Variants in CAMSAP2 observed in about 807,000 individuals in gnomAD.
CAMSAP2 encodes the protein calmodulin-regulated spectrin-associated protein 2.
In CAMSAP2, 26 loss-of-function variants were observed where a neutral mutation model predicts 146.1. The observed-to-expected ratio is 0.18, with a 90% confidence interval of 0.13 to 0.25. The LOEUF (loss-of-function observed/expected upper bound fraction) is 0.25. CAMSAP2 is among the 10% of genes least tolerant of loss of function. The pLI is 1.00. For missense variants in CAMSAP2, 1,381 were observed against 1,759.3 expected (o/e 0.78, Z 3.85); for synonymous variants, 499 against 596.6 (o/e 0.84, Z 2.38).
chr1:200,819,156 A>G (rs1571796343), intron 4 of CAMSAP2, among the ~76,000 whole-genome samples: 1 of 152,224 alleles, frequency 6.6e-6, no homozygotes, highest in Non-Finnish European at 1.5e-5. Context: ...AGGGTATTAG[A>G]TCCTCCAGTG....
Position 200,858,102 on chromosome 1 carries a change from C to T in CAMSAP2, c.*43C>T. 6.8e-7 allele frequency: 1 copy of T among 1,473,010 alleles called. No individual in the cohort carries two copies. The highest frequency in any genetic ancestry group is 9.1e-7 in the Non-Finnish European group (1 of 1,098,638). 91.2% of individuals were successfully genotyped at this position (1,473,010 alleles called of 1,614,324 possible). On this transcript the variant is annotated 3_prime_UTR_variant, in exon 17 of 17. Coordinates refer to ENST00000358823, the MANE Select transcript of CAMSAP2 (RefSeq NM_203459.4). ...CTTCAGAACATTCATGGTAAATTTG[C>T]ACTTCATCTTTCCTGCCTATAGAAA...
chr1:200,808,937 A>C (rs761382629), intron 3 of CAMSAP2, among the ~76,000 whole-genome samples: 6 of 152,190 alleles, frequency 3.9e-5, no homozygotes, highest in Non-Finnish European at 8.8e-5. Context: ...GGTTTAGCTT[A>C]GTTACCCATT....
Position 200,859,715 on chromosome 1 carries a change from A to G in CAMSAP2, c.*1656A>G, listed in dbSNP as rs1667833722. The stretch of plus-strand genomic sequence containing the variant: ...TATGTAACTCTTATATTTTAAGTGT[A>G]TACATATTGTGTATATAACATATGG... On this transcript the variant is annotated 3_prime_UTR_variant, in exon 17 of 17. Transcript: ENST00000358823. 1 of 152,250 alleles carries G rather than the reference A, an allele frequency of 6.6e-6. No homozygotes were observed. The highest frequency in any genetic ancestry group is 6.5e-5 in the Admixed American group (1 of 15,286). The allele number at this position is 152,250 out of a possible 1,614,324, so 9.4% of individuals were successfully genotyped here.
At chr1:200,841,903 A>G (rs1303663638) in intron 6 of CAMSAP2, 91 bp from the exon 7 acceptor site, 1 of 889,624 alleles carries the variant, frequency 1.1e-6, no homozygotes, top group Admixed American at 1.9e-5. Context: ...TGATGAATGA[A>G]TGAGATTTAA....
At chr1:200,795,115 T>C (rs910613476) in intron 2 of CAMSAP2, among the ~76,000 whole-genome samples, 6 of 152,216 alleles carry the variant, frequency 3.9e-5, no homozygotes, top group Admixed American at 3.3e-4. Flanking sequence ...GCTGCTAGAC[T>C]ATAGGATTTA....
intron 3 of CAMSAP2, among the ~76,000 whole-genome samples, chr1:200,812,111 A>C (rs1666348655): frequency 6.6e-6 from 1 of 152,068 alleles, no homozygotes; most frequent in Admixed American, 6.5e-5. Flanking sequence ...TTTTCAGACT[A>C]ATTACTTTTC....
chr1:200,827,877 G>A (rs1666943809), intron 4 of CAMSAP2, among the ~76,000 whole-genome samples: 1 of 151,938 alleles, frequency 6.6e-6, no homozygotes, highest in Admixed American at 6.6e-5. Flanking sequence ...GAAATTATGG[G>A]TTTATTATAT....
At chr1:200,828,459 AACTT>A (rs2102208244) in intron 4 of CAMSAP2, 2 of 956,590 alleles carry the variant, frequency 2.1e-6, no homozygotes, top group Non-Finnish European at 3.2e-6. Context: ...GAGAACTATA[AACTT>A]GGAACTCCAC....
At chr1:200,840,115 C>A (rs530779069) in intron 6 of CAMSAP2, among the ~76,000 whole-genome samples, 3 of 152,246 alleles carry the variant, frequency 2.0e-5, no homozygotes, top group African/African-American at 7.2e-5. Context: ...CAGACTCTTA[C>A]ACTCAGCCAC....
chr1:200,802,250 G>A (rs74136250), intron 2 of CAMSAP2, among the ~76,000 whole-genome samples: 147 of 152,246 alleles, frequency 9.7e-4, no homozygotes, highest in African/African-American at 3.4e-3. Flanking sequence ...TGGAGGAATG[G>A]CAAGTATACG....
intron 1 of CAMSAP2, among the ~76,000 whole-genome samples, chr1:200,746,974 T>C (rs533850443): frequency 2.0e-5 from 3 of 152,102 alleles, no homozygotes; most frequent in Non-Finnish European, 4.4e-5. Flanking sequence ...AGTCATGTGA[T>C]CAAAGCTCAT....
intron 2 of CAMSAP2, among the ~76,000 whole-genome samples, chr1:200,788,727 C>T (rs917313808): frequency 2.6e-5 from 4 of 151,372 alleles, no homozygotes; most frequent in Non-Finnish European, 4.4e-5. Context: ...TTGCAACCTC[C>T]GCCTCCTGGG....
intron 4 of CAMSAP2, among the ~76,000 whole-genome samples, chr1:200,830,182 G>T (rs181047676): frequency 6.6e-6 from 1 of 152,202 alleles, no homozygotes; most frequent in Non-Finnish European, 1.5e-5. Flanking sequence ...AAGATTTAAA[G>T]TTGGTTTACT....
chr1:200,826,166 C>T (rs994984127), intron 4 of CAMSAP2, among the ~76,000 whole-genome samples: 1 of 152,116 alleles, frequency 6.6e-6, no homozygotes, highest in African/African-American at 2.4e-5. Context: ...CGTGGTGGCT[C>T]ACACTTGTAA....
chr1:200,764,010 G>A (rs1283728836), intron 2 of CAMSAP2, among the ~76,000 whole-genome samples: 1 of 152,150 alleles, frequency 6.6e-6, no homozygotes, highest in Non-Finnish European at 1.5e-5. Flanking sequence ...GGCGGAGGTT[G>A]CAGTGAGCCG....
intron 1 of CAMSAP2, among the ~76,000 whole-genome samples, chr1:200,752,750 G>A (rs1664544039): frequency 6.6e-6 from 1 of 151,858 alleles, no homozygotes; most frequent in Non-Finnish European, 1.5e-5. Context: ...CCAAGTAGCT[G>A]GGACTACAGG....
At chr1:200,761,891 C>T (rs868505222) in intron 2 of CAMSAP2, among the ~76,000 whole-genome samples, 1 of 152,258 alleles carries the variant, frequency 6.6e-6, no homozygotes, top group Non-Finnish European at 1.5e-5. Context: ...CATGCAGGAA[C>T]TCTCTCATAG....
intron 11 of CAMSAP2, among the ~76,000 whole-genome samples, chr1:200,851,816 A>G (rs1387732478): frequency 6.6e-6 from 1 of 152,222 alleles, no homozygotes; most frequent in Non-Finnish European, 1.5e-5. Context: ...GACAGTTGAC[A>G]AGGAGACATT....
rs181851655 is a variant in CAMSAP2 at position 200,800,715 on chromosome 1, G to A, written c.400-6661G>A. Among the ~76,000 whole-genome samples, 592 of 152,270 alleles carry A rather than the reference G, an allele frequency of 3.9e-3. 4 individuals carry two copies. Among genetic ancestry groups the A allele is most frequent in the African/African-American group, 0.014 (565 of 41,554 alleles). On this transcript the variant is annotated intron_variant, in intron 2 of 16. Coordinates refer to ENST00000358823, the MANE Select transcript of CAMSAP2 (RefSeq NM_203459.4). ...ATTTTATCCTGTCATTATGATGCTA[G>A]CTGGTTATTTTGCCTGTTAGTTGAT...
Sources: gnomAD v4.1 joint callset for allele counts (sites outside exome capture counted in the v4.1 genomes callset) on GRCh38, gnomAD v4.1.1 for gene constraint, MANE v1.5 for transcripts, NCBI Gene and HGNC (gene_info 2026-07-23, HGNC 2026-07-21) for gene names.